The following ST7 variants were observed in gnomAD, a reference collection of about 807,000 sequenced individuals.
The protein encoded by ST7 is suppressor of tumorigenicity 7 protein.
Under a neutral mutation model 78.7 loss-of-function variants are expected in ST7, and 28 were observed. The ratio of observed to expected loss-of-function variants is 0.36; its 90% CI spans 0.26 to 0.49. The LOEUF (loss-of-function observed/expected upper bound fraction) is 0.49. Ranked by LOEUF, ST7 falls within the 20% of genes least tolerant of loss-of-function variation. ST7 has a pLI of 0.99. For synonymous variants in ST7, 247 were observed against 249.6 expected, an observed-to-expected ratio of 0.99 and a Z score of 0.10; for missense variants, 418 against 696.0, an observed-to-expected ratio of 0.60 and a Z score of 4.49.
chr7:117,083,561 A>G (rs1799936202), intron 1 of ST7, among the ~76,000 whole-genome samples: 1 of 152,140 alleles, frequency 6.6e-6, no homozygotes, highest in South Asian at 2.1e-4. Context: ...GCCTGGCCAC[A>G]TTTCTCTGCT....
chr7:117,204,352 G>T (rs1041987365), intron 12 of ST7, among the ~76,000 whole-genome samples: 2 of 152,198 alleles, frequency 1.3e-5, no homozygotes, highest in Non-Finnish European at 2.9e-5. Context: ...AACCAGCAAG[G>T]TGTGTTTTTA....
At chr7:117,208,770 G>C (rs1442038656) in intron 12 of ST7, among the ~76,000 whole-genome samples, 1 of 152,020 alleles carries the variant, frequency 6.6e-6, no homozygotes, top group East Asian at 1.9e-4. Context: ...TAAAATTTTT[G>C]AACACCTTTT....
chr7:117,035,542 A>G (rs997524472), intron 1 of ST7, among the ~76,000 whole-genome samples: 2 of 152,200 alleles, frequency 1.3e-5, no homozygotes, highest in African/African-American at 2.4e-5. Flanking sequence ...TATAGTAGAA[A>G]TTTTAACTGA....
At chr7:116,954,477 A>T (rs985246684) in intron 1 of ST7, 1 of 152,228 alleles carries the variant, frequency 6.6e-6, no homozygotes, top group Non-Finnish European at 1.5e-5. Flanking sequence ...ATGCTCAGCA[A>T]GTGCCGCGTG....
chr7:116,965,479 C>G (rs1258849279), intron 1 of ST7, among the ~76,000 whole-genome samples: 2 of 151,946 alleles, frequency 1.3e-5, no homozygotes, highest in Non-Finnish European at 2.9e-5. Flanking sequence ...ACCTAGATAA[C>G]ACGTTGATGG....
intron 1 of ST7, among the ~76,000 whole-genome samples, chr7:116,976,990 C>T (rs1793736071): frequency 6.6e-6 from 1 of 152,122 alleles, no homozygotes; most frequent in Admixed American, 6.5e-5. Context: ...ACTCTAAAGT[C>T]AGTTAGAATA....
chr7:117,148,860 A>G (rs1030729080), intron 9 of ST7, among the ~76,000 whole-genome samples: 2 of 152,114 alleles, frequency 1.3e-5, no homozygotes, highest in African/African-American at 4.8e-5. Flanking sequence ...CTGGGCTGGC[A>G]GGGTTGCTTC....
At chr7:117,070,942 A>G (rs1798911728) in intron 1 of ST7, among the ~76,000 whole-genome samples, 1 of 152,166 alleles carries the variant, frequency 6.6e-6, no homozygotes, top group African/African-American at 2.4e-5. Flanking sequence ...ACCACCATCT[A>G]AAAAACTATA....
At chr7:117,145,337 C>A (rs573559562) in intron 9 of ST7, 1 of 152,134 alleles carries the variant, frequency 6.6e-6, no homozygotes, top group Non-Finnish European at 1.5e-5. Context: ...TTTCCTGGAA[C>A]TGTGATAACA....
intron 1 of ST7, among the ~76,000 whole-genome samples, chr7:117,074,236 CA>C (rs1584575117): frequency 6.6e-6 from 1 of 152,026 alleles, no homozygotes; most frequent in African/African-American, 2.4e-5. Flanking sequence ...ACTAAAAATA[CA>C]AAAATTAGCC....
At chr7:117,107,150 ATTTTCT>A (rs1308400453) in intron 2 of ST7, among the ~76,000 whole-genome samples, 1 of 151,916 alleles carries the variant, frequency 6.6e-6, no homozygotes, top group African/African-American at 2.4e-5. Flanking sequence ...CACACACCAC[ATTTTCT>A]TTATCCACTT....
chr7:117,141,520 C>T (rs1373078361), intron 9 of ST7, among the ~76,000 whole-genome samples: 2 of 152,068 alleles, frequency 1.3e-5, no homozygotes, highest in Admixed American at 6.6e-5. Context: ...ATTTTGAATT[C>T]CCAGGATGTT....
chr7:117,076,003 T>G (rs2116559189), intron 1 of ST7, among the ~76,000 whole-genome samples: 1 of 152,346 alleles, frequency 6.6e-6, no homozygotes, highest in African/African-American at 2.4e-5. Flanking sequence ...CCATGTTTGC[T>G]TCTTTGCCCC....
chr7:117,112,937 G>A (rs1428309102), intron 2 of ST7, among the ~76,000 whole-genome samples: 9 of 152,214 alleles, frequency 5.9e-5, no homozygotes, highest in Non-Finnish European at 8.8e-5. Context: ...AGGGGACCCC[G>A]TGTCAGGCAA....
chr7:117,219,008 C>A lies in ST7; in HGVS notation c.1406-76C>A. On this transcript the variant is annotated intron_variant, in intron 13 of 15. Transcript: ENST00000323984. The surrounding 1 kb of genome is among the most constrained non-coding windows in gnomAD (Gnocchi z 5.1). The stretch of plus-strand genomic sequence containing the variant: ...AAGTGTTCCCTGTTATAAAAATGCT[C>A]AAACGCCCCTTTTTGCAGTTGGGAA... 2.5e-6 allele frequency: 3 copies of A among 1,217,378 alleles called. No homozygotes were observed. The highest frequency in any genetic ancestry group is 1.4e-5 in the South Asian group (1 of 73,770). The allele number at this position is 1,217,378 out of a possible 1,614,324, so 75.4% of individuals were successfully genotyped here. A position where few individuals can be genotyped will look rare whatever the true frequency, so the allele number is the denominator to read the frequency against.
chr7:117,138,592 C>A, intron 9 of ST7, 60 bp downstream of exon 9: 2 of 1,210,048 alleles, frequency 1.7e-6, no homozygotes, highest in Non-Finnish European at 2.4e-6. Flanking sequence ...CGCTGAATGG[C>A]CATAGCAGTC....
In ST7 at chr7:117,143,429, C is replaced by A. The variant is rs79912864; in HGVS notation, c.963+4897C>A. 2.7e-3 allele frequency among the ~76,000 whole-genome samples: 417 copies of A among 152,238 alleles called. 8 individuals carry two copies. The East Asian group carries it at 0.049, about 18-fold the overall frequency. ...TCCCTAAAATCTCATAATCTCTTTGCGGGATTTTCCTCATCTTTGTGACTT... is the reference window on the plus strand; with the variant it reads ...TCCCTAAAATCTCATAATCTCTTTGAGGGATTTTCCTCATCTTTGTGACTT... On this transcript the variant is annotated intron_variant, in intron 9 of 15. Coordinates refer to ENST00000323984, the MANE Select transcript of ST7 (RefSeq NM_001369598.1).
At chr7:117,224,492 G>A (rs1200146191) in intron 15 of ST7, among the ~76,000 whole-genome samples, 3 of 152,150 alleles carry the variant, frequency 2.0e-5, no homozygotes, top group Non-Finnish European at 4.4e-5. Flanking sequence ...GTGTGACTTA[G>A]TAAAATTTAA....
At chr7:117,212,346 C>T (rs1401524503) in intron 13 of ST7, among the ~76,000 whole-genome samples, 1 of 152,066 alleles carries the variant, frequency 6.6e-6, no homozygotes, top group Non-Finnish European at 1.5e-5. Context: ...TGTTGGGGAG[C>T]CAGGATGTAA....
Sources: gnomAD v4.1 joint callset for allele counts (sites outside exome capture counted in the v4.1 genomes callset) on GRCh38, gnomAD v4.1.1 for gene constraint, Gnocchi (gnomAD v3.1) non-coding constraint, MANE v1.5 for transcripts, NCBI Gene and HGNC (gene_info 2026-07-23, HGNC 2026-07-21) for gene names.